EYS: variants seen among roughly 807,000 people sequenced by gnomAD.
EYS encodes protein eyes shut homolog.
EYS carries 250 observed loss-of-function variants against 282.1 expected under a neutral mutation model. The ratio of observed to expected loss-of-function variants is 0.89; its 90% CI spans 0.80 to 0.98. The LOEUF (loss-of-function observed/expected upper bound fraction) is 0.98. Among genes scored for constraint, EYS ranks in the 50% least tolerant of loss-of-function variants. The probability of loss-of-function intolerance (pLI) is 0.00; values close to 1 mark genes in which losing one functional copy is unlikely to be tolerated. For synonymous variants in EYS, 1,355 were observed against 1,282.9 expected (o/e 1.06, Z -1.20); for missense variants, 4,016 against 3,709.0 (o/e 1.08, Z -2.15).
intron 22 of EYS, among the ~76,000 whole-genome samples, chr6:64,750,835 G>A (rs571793428): frequency 1.3e-5 from 2 of 152,276 alleles, no homozygotes; most frequent in Admixed American, 6.5e-5. Flanking sequence ...TGGGTGATCA[G>A]CATGCATGGA....
chr6:65,392,625 C>T (rs917855591), intron 7 of EYS, among the ~76,000 whole-genome samples: 1 of 152,076 alleles, frequency 6.6e-6, no homozygotes, highest in Non-Finnish European at 1.5e-5. Flanking sequence ...CAATGAGATA[C>T]CATCTCACAC....
At chr6:65,083,718 A>G (rs1216930948) in intron 12 of EYS, among the ~76,000 whole-genome samples, 1 of 151,834 alleles carries the variant, frequency 6.6e-6, no homozygotes, top group Non-Finnish European at 1.5e-5. Context: ...TAAACATTGA[A>G]CCAAAAAAAT....
At chr6:63,949,928 C>A (rs1765518327) in intron 35 of EYS, among the ~76,000 whole-genome samples, 1 of 152,140 alleles carries the variant, frequency 6.6e-6, no homozygotes, top group Non-Finnish European at 1.5e-5. Context: ...AATCCCAGCA[C>A]TTTGGGAGGC....
intron 29 of EYS, among the ~76,000 whole-genome samples, chr6:64,329,238 G>A (rs759258667): frequency 1.5e-4 from 23 of 152,164 alleles, no homozygotes; most frequent in Non-Finnish European, 3.4e-4. Context: ...TGGAGCTACA[G>A]GAATAACAGA....
chr6:63,849,560 G>A (rs373462126), intron 36 of EYS, among the ~76,000 whole-genome samples: 94 of 152,256 alleles, frequency 6.2e-4, no homozygotes, highest in Middle Eastern at 6.8e-3. Flanking sequence ...CCAGCAAACC[G>A]CAGCAGACCT....
intron 15 of EYS, among the ~76,000 whole-genome samples, chr6:64,925,540 G>A (rs577469648): frequency 6.6e-6 from 1 of 152,284 alleles, no homozygotes; most frequent in East Asian, 1.9e-4. Flanking sequence ...GAGGTCATAT[G>A]AGGCTACCTT....
intron 5 of EYS, among the ~76,000 whole-genome samples, chr6:65,489,120 G>C (rs1765925426): frequency 6.6e-6 from 1 of 152,232 alleles, no homozygotes; most frequent in East Asian, 1.9e-4. Context: ...AGCCAAAATT[G>C]ACAAATGGGA....
intron 22 of EYS, among the ~76,000 whole-genome samples, chr6:64,732,451 A>G (rs528922364): frequency 6.6e-6 from 1 of 152,318 alleles, no homozygotes; most frequent in East Asian, 1.9e-4. Context: ...TGTTTGCCCT[A>G]TAGTCTGTTT....
intron 35 of EYS, among the ~76,000 whole-genome samples, chr6:63,981,426 G>GAAGTACACAA (rs1336275131): frequency 6.6e-6 from 1 of 151,798 alleles, no homozygotes; most frequent in Non-Finnish European, 1.5e-5. Flanking sequence ...ATTGCATGTT[G>GAAGTACACAA]AAGTACACAA....
intron 22 of EYS, among the ~76,000 whole-genome samples, chr6:64,785,483 C>G (rs1773988724): frequency 6.6e-6 from 1 of 152,166 alleles, no homozygotes; most frequent in Non-Finnish European, 1.5e-5. Context: ...ATTCCTACAG[C>G]TCTTTGTTAG....
At chr6:63,752,694 A>G (rs897068084) in intron 41 of EYS, among the ~76,000 whole-genome samples, 4 of 151,704 alleles carry the variant, frequency 2.6e-5, no homozygotes, top group Non-Finnish European at 5.9e-5. Context: ...ACGGGGTTTC[A>G]CCGTGTTACC....
At chr6:64,748,254 T>C (rs1238956462) in intron 22 of EYS, among the ~76,000 whole-genome samples, 1 of 152,252 alleles carries the variant, frequency 6.6e-6, no homozygotes, top group African/African-American at 2.4e-5. Context: ...ATTTCAAATA[T>C]GCTGGCATTC....
chr6:64,315,913 A>C (rs147032927), intron 29 of EYS, among the ~76,000 whole-genome samples: 2,623 of 152,306 alleles, frequency 0.017, 65 homozygotes, highest in African/African-American at 0.06. Context: ...CTGGTTCAAC[A>C]TATGCAAATC....
At chr6:64,889,242 G>T (rs9342449) in intron 18 of EYS, among the ~76,000 whole-genome samples, 23,479 of 151,558 alleles carry the variant, frequency 0.15, 2,137 homozygotes, top group East Asian at 0.49. Flanking sequence ...TTTTGTTTTC[G>T]GTGATTTTCA....
At position 65,626,751 on chromosome 6, in the gene EYS, T is replaced by A. The variant is rs552763909; in HGVS notation, c.-333+13027A>T. ...ACAAATTCAAAGATAGTAACAAATA[T>A]CCCAGCCTCAAAGTTGTAATTAATA... On this transcript the variant is annotated intron_variant, in intron 2 of 42. Transcript: ENST00000503581. 2.0e-5 allele frequency among the ~76,000 whole-genome samples: 3 copies of A among 152,096 alleles called. No individual in the cohort carries two copies. In the South Asian group the frequency reaches 6.2e-4, roughly 31 times the overall value.
intron 12 of EYS, among the ~76,000 whole-genome samples, chr6:65,268,411 T>A (rs1184671868): frequency 6.6e-6 from 1 of 152,066 alleles, no homozygotes. Context: ...ATAAGTAATA[T>A]AAGTAAACAA....
At chr6:64,162,645 C>T (rs1353483682) in intron 31 of EYS, among the ~76,000 whole-genome samples, 1 of 152,130 alleles carries the variant, frequency 6.6e-6, no homozygotes, top group Admixed American at 6.6e-5. Flanking sequence ...AGGAAAGCAG[C>T]AGAGGCTTCA....
intron 37 of EYS, among the ~76,000 whole-genome samples, chr6:63,795,196 A>C (rs1181433635): frequency 6.6e-6 from 1 of 152,190 alleles, no homozygotes; most frequent in East Asian, 1.9e-4. Flanking sequence ...TATAACAGCA[A>C]CTCATAAGAT....
intron 12 of EYS, among the ~76,000 whole-genome samples, chr6:65,149,892 C>T (rs754708930): frequency 7.9e-5 from 12 of 152,126 alleles, no homozygotes; most frequent in Admixed American, 1.3e-4. Context: ...CACAGTTACA[C>T]ATGGCTGGGG....
Sources: gnomAD v4.1 joint callset for allele counts (sites outside exome capture counted in the v4.1 genomes callset) on GRCh38, gnomAD v4.1.1 for gene constraint, MANE v1.5 for transcripts, NCBI Gene and HGNC (gene_info 2026-07-23, HGNC 2026-07-21) for gene names.